Variants in GORASP2 observed in about 807,000 individuals in gnomAD.
GORASP2 encodes the protein golgi reassembly stacking protein 2, also known as Golgi reassembly-stacking protein 2.
A neutral mutation model predicts 45.7 loss-of-function variants in GORASP2; 22 were observed. The observed-to-expected ratio is 0.48, with a 90% confidence interval of 0.34 to 0.69. The LOEUF is 0.69. Among genes scored for constraint, GORASP2 ranks in the 30% least tolerant of loss-of-function variants. The pLI is 0.01. For synonymous variants in GORASP2, 221 were observed against 215.6 expected, an observed-to-expected ratio of 1.02 and a Z score of -0.22; for missense variants, 491 against 562.7, an observed-to-expected ratio of 0.87 and a Z score of 1.29.
chr2:170,938,023 C>A (rs761437329), intron 1 of GORASP2, among the ~76,000 whole-genome samples: 2 of 152,168 alleles, frequency 1.3e-5, no homozygotes, highest in African/African-American at 2.4e-5. Context: ...AATAGCAGAG[C>A]CACTTCTACC....
At chr2:170,961,833 C>G (rs1374568740) in intron 8 of GORASP2, 84 bp downstream of exon 8, 6 of 818,676 alleles carry the variant, frequency 7.3e-6, no homozygotes, top group Non-Finnish European at 1.1e-5. Context: ...AAATATTATA[C>G]CTGTGTGGTA....
At chr2:170,943,513 T>TA (rs1479629989) in intron 1 of GORASP2, among the ~76,000 whole-genome samples, 1 of 152,192 alleles carries the variant, frequency 6.6e-6, no homozygotes, top group Admixed American at 6.5e-5. Context: ...AAGATGGCGT[T>TA]ATCCCTTACT....
chr2:170,966,406 G>A lies in GORASP2; in HGVS notation c.*276G>A, dbSNP rs1221063050. The A allele has an allele frequency of 4.0e-6, 2 of 494,492 alleles. No individual in the cohort carries two copies. Among genetic ancestry groups the A allele is most frequent in the African/African-American group, 3.9e-5 (2 of 51,338 alleles). The allele number at this position is 494,492 out of a possible 1,614,324, so 30.6% of individuals were successfully genotyped here. On this transcript the variant is annotated 3_prime_UTR_variant, in exon 10 of 10. Transcript: ENST00000234160. ...GCCAGGCTTGCACTGCCGTTCCTGG[G>A]GGTGTGCATCTTCGGGAAAGGTGGT...
Position 170,950,257 on chromosome 2 carries a change from T to C in GORASP2, c.402T>C (p.Asp134=). ...TGGCAGGTCTTAGACCACACAGTGATTATATAATTGGAGCAGATACAGTCA... is the reference window on the plus strand; with the variant it reads ...TGGCAGGTCTTAGACCACACAGTGACTATATAATTGGAGCAGATACAGTCA... ...AALAGLRPHS[D]YIIGADTVMN... Residue 134 remains aspartate, a synonymous_variant, in exon 4 of 10, where the codon GAT becomes GAC. Coordinates refer to ENST00000234160, the MANE Select transcript of GORASP2 (RefSeq NM_015530.5). 1 of 1,575,140 alleles carries C rather than the reference T, an allele frequency of 6.3e-7. No homozygotes were observed. The highest frequency in any genetic ancestry group is 8.7e-7 in the Non-Finnish European group (1 of 1,154,984).
intron 1 of GORASP2, among the ~76,000 whole-genome samples, chr2:170,939,196 C>G (rs1559308393): frequency 1.3e-5 from 2 of 152,176 alleles, no homozygotes; most frequent in Non-Finnish European, 2.9e-5. Flanking sequence ...TTCTGGAAAA[C>G]TATTATGCAA....
Position 170,965,988 on chromosome 2 carries a change from C to G in GORASP2, c.1217C>G (p.Ala406Gly). 3 of 1,613,954 alleles carry G rather than the reference C, an allele frequency of 1.9e-6. No homozygotes were observed. The highest frequency in any genetic ancestry group is 2.5e-6 in the Non-Finnish European group (3 of 1,179,898). The change falls in exon 10 of 10, where the codon GCT (alanine) becomes GGT (glycine). Residue 406 changes from alanine (A) to glycine (G), a missense_variant. By Grantham distance (60) the Ala-to-Gly change is moderately conservative. This residue lies in a region of GORASP2 where 297 missense variants were observed against 292.3 expected (regional missense o/e 1.02). Transcript: ENST00000234160. Reference sequence around the variant, plus strand: ...GCCACAACTACTGCAAAGGCAGACGCTGCCTCCTCACTCACTGTGGATGTG... The same window carrying G: ...GCCACAACTACTGCAAAGGCAGACGGTGCCTCCTCACTCACTGTGGATGTG... The part of the protein sequence containing the change: ...DPATTTAKAD[A>G]ASSLTVDVTP...
At chr2:170,956,204 G>A (rs1020722507) in intron 6 of GORASP2, among the ~76,000 whole-genome samples, 1 of 152,192 alleles carries the variant, frequency 6.6e-6, no homozygotes, top group African/African-American at 2.4e-5. Flanking sequence ...TGGGGTAGAA[G>A]CCATGTGTCT....
chr2:170,929,435 G>T, intron 1 of GORASP2, 32 bp downstream of exon 1: 1 of 1,344,642 alleles, frequency 7.4e-7, no homozygotes, highest in Non-Finnish European at 9.6e-7. Flanking sequence ...GGGGAGCTGC[G>T]GGCTGGAGGC....
chr2:170,940,188 T>C (rs1704040769), intron 1 of GORASP2, among the ~76,000 whole-genome samples: 2 of 152,214 alleles, frequency 1.3e-5, no homozygotes, highest in Non-Finnish European at 2.9e-5. Flanking sequence ...GCCAGAAACA[T>C]GGATAAGTGT....
At chr2:170,929,432 T>C in intron 1 of GORASP2, 29 bp downstream of exon 1, 1 of 1,351,134 alleles carries the variant, frequency 7.4e-7, no homozygotes, top group Non-Finnish European at 9.5e-7. Context: ...GCCGGGGAGC[T>C]GCGGGCTGGA....
upstream of GORASP2, chr2:170,928,887 T>C (rs998217169): frequency 6.4e-6 from 1 of 155,412 alleles, no homozygotes; most frequent in African/African-American, 2.4e-5. Flanking sequence ...TGTGTTGAGT[T>C]CGCTCCTGTT....
intron 1 of GORASP2, among the ~76,000 whole-genome samples, chr2:170,941,070 G>A (rs902115348): frequency 3.3e-5 from 5 of 152,132 alleles, no homozygotes; most frequent in Non-Finnish European, 7.4e-5. Context: ...GGTAAAAACT[G>A]TCTAGCAAAT....
chr2:170,946,623 AG>A (rs2105319160), intron 1 of GORASP2, among the ~76,000 whole-genome samples: 1 of 152,148 alleles, frequency 6.6e-6, no homozygotes, highest in African/African-American at 2.4e-5. Flanking sequence ...GCCTTTTGTT[AG>A]ACTAATAGTT....
intron 7 of GORASP2, among the ~76,000 whole-genome samples, chr2:170,959,257 C>T (rs779351173): frequency 4.6e-5 from 7 of 152,170 alleles, no homozygotes; most frequent in Non-Finnish European, 7.4e-5. Context: ...CCATCGTGCC[C>T]GGCCCCAGAT....
chr2:170,949,328 TAGAAAA>T (rs1381037653), intron 2 of GORASP2, among the ~76,000 whole-genome samples: 2 of 152,258 alleles, frequency 1.3e-5, no homozygotes, highest in African/African-American at 4.8e-5. Context: ...AATGAGCTAT[TAGAAAA>T]AAGTCAGTTT....
intron 1 of GORASP2, chr2:170,929,790 G>A (rs772805337): frequency 8.3e-6 from 4 of 482,768 alleles, no homozygotes; most frequent in South Asian, 6.2e-5. Context: ...AGTGGTGACT[G>A]TGAAGGCAGC....
At position 170,965,970 on chromosome 2, in the gene GORASP2, C is replaced by G; in HGVS notation, c.1199C>G (p.Thr400Ser). 1 of 1,614,072 alleles carries G rather than the reference C, an allele frequency of 6.2e-7. No individual in the cohort carries two copies. Among genetic ancestry groups the G allele is most frequent in the Non-Finnish European group, 8.5e-7 (1 of 1,179,996 alleles). ...AACGCACCCTCCGACCCTGCCACAA[C>G]TACTGCAAAGGCAGACGCTGCCTCC... ...TSNAPSDPAT[T>S]TAKADAASSL... The change falls in exon 10 of 10, where the codon ACT (threonine) becomes AGT (serine). Residue 400 changes from threonine to serine, a missense_variant. Physicochemically the swap from Thr to Ser is moderately conservative, Grantham distance 58. Around this residue, in one of 2 missense-constraint regions of GORASP2, gnomAD observed 297 missense variants for 292.3 expected, o/e 1.02. Coordinates refer to ENST00000234160, the MANE Select transcript of GORASP2 (RefSeq NM_015530.5).
chr2:170,938,712 C>G (rs1704009962), intron 1 of GORASP2, among the ~76,000 whole-genome samples: 1 of 152,094 alleles, frequency 6.6e-6, no homozygotes, highest in South Asian at 2.1e-4. Flanking sequence ...ATTTTTGCAG[C>G]TAAAGAAAAG....
intron 1 of GORASP2, among the ~76,000 whole-genome samples, chr2:170,939,890 G>A (rs1704034142): frequency 1.3e-5 from 2 of 152,124 alleles, no homozygotes; most frequent in South Asian, 4.1e-4. Flanking sequence ...AGTGCATGAG[G>A]ATTTATGTTT....
Sources: gnomAD v4.1 joint callset for allele counts (sites outside exome capture counted in the v4.1 genomes callset) on GRCh38, gnomAD v4.1.1 for gene constraint, gnomAD v4.1.1 regional missense constraint, MANE v1.5 for transcripts, NCBI Gene and HGNC (gene_info 2026-07-23, HGNC 2026-07-21) for gene names.